Variants in ROBO1 observed in about 807,000 individuals in gnomAD.
The protein encoded by ROBO1 is roundabout homolog 1.
In ROBO1, 149 loss-of-function variants were observed where a neutral mutation model predicts 195.9. The ratio of observed to expected loss-of-function variants is 0.76; its 90% confidence interval spans 0.67 to 0.87. ROBO1 has a LOEUF of 0.87. ROBO1 is among the 40% of genes least tolerant of loss of function. The pLI, the probability that ROBO1 is intolerant of heterozygous loss-of-function variation, is 0.00. For missense variants in ROBO1, 1,933 were observed against 2,068.3 expected (o/e 0.93, Z 1.27); for synonymous variants, 816 against 733.2 (o/e 1.11, Z -1.82).
At chr3:79,705,882 T>G (rs1177659390) in intron 1 of ROBO1, among the ~76,000 whole-genome samples, 5 of 152,162 alleles carry the variant, frequency 3.3e-5, no homozygotes, top group Non-Finnish European at 7.4e-5. Context: ...ACAGATCTTG[T>G]ACATATTTTG....
intron 2 of ROBO1, among the ~76,000 whole-genome samples, chr3:79,317,895 T>C (rs926299177): frequency 5.3e-5 from 8 of 152,102 alleles, no homozygotes; most frequent in African/African-American, 1.2e-4. Context: ...TATATATATA[T>C]ACACACACGC....
intron 1 of ROBO1, among the ~76,000 whole-genome samples, chr3:79,736,278 A>G (rs1703385508): frequency 6.6e-6 from 1 of 152,228 alleles, no homozygotes; most frequent in African/African-American, 2.4e-5. Context: ...GAAACTAATG[A>G]GAGGAGAACA....
intron 4 of ROBO1, among the ~76,000 whole-genome samples, chr3:78,791,799 CT>C (rs1237985971): frequency 6.6e-6 from 1 of 152,152 alleles, no homozygotes; most frequent in Non-Finnish European, 1.5e-5. Context: ...CATAAAAGTG[CT>C]ACGTAGCAAT....
At chr3:78,841,651 T>G (rs2033211648) in intron 4 of ROBO1, among the ~76,000 whole-genome samples, 1 of 152,106 alleles carries the variant, frequency 6.6e-6, no homozygotes, top group African/African-American at 2.4e-5. Flanking sequence ...TAAACTTAAT[T>G]ACTCAAACCC....
intron 4 of ROBO1, among the ~76,000 whole-genome samples, chr3:78,888,162 G>C (rs1045406986): frequency 1.3e-5 from 2 of 152,158 alleles, no homozygotes; most frequent in Non-Finnish European, 2.9e-5. Flanking sequence ...ATCCTTTCGA[G>C]AATGCAGTTT....
chr3:78,621,573 A>C (rs1704458794), intron 26 of ROBO1, among the ~76,000 whole-genome samples: 1 of 152,172 alleles, frequency 6.6e-6, no homozygotes, highest in South Asian at 2.1e-4. Context: ...AAGCCCAGGG[A>C]ATGTGTGATA....
intron 2 of ROBO1, among the ~76,000 whole-genome samples, chr3:79,378,599 AT>A (rs1224374317): frequency 6.6e-6 from 1 of 152,176 alleles, no homozygotes; most frequent in East Asian, 1.9e-4. Context: ...AGCTCTTCCA[AT>A]CTTTTTCCCT....
intron 1 of ROBO1, among the ~76,000 whole-genome samples, chr3:79,663,047 G>C (rs1213878214): frequency 1.3e-5 from 2 of 152,188 alleles, no homozygotes; most frequent in South Asian, 4.1e-4. Context: ...ATTCTCACAA[G>C]TGGGAGCTAA....
chr3:79,127,147 A>T (rs1480265875), intron 2 of ROBO1, among the ~76,000 whole-genome samples: 1 of 152,172 alleles, frequency 6.6e-6, no homozygotes, highest in Non-Finnish European at 1.5e-5. Context: ...AGGCAGAAAA[A>T]GCGTCCACTT....
intron 1 of ROBO1, among the ~76,000 whole-genome samples, chr3:79,736,788 G>A (rs897443386): frequency 1.3e-5 from 2 of 152,132 alleles, no homozygotes; most frequent in Non-Finnish European, 2.9e-5. Flanking sequence ...GTGGAGCTCC[G>A]AAGTTTTCCC....
chr3:79,738,089 G>T (rs1038573462), intron 1 of ROBO1, among the ~76,000 whole-genome samples: 3 of 152,068 alleles, frequency 2.0e-5, no homozygotes, highest in Non-Finnish European at 4.4e-5. Context: ...GTTTCACAGA[G>T]CCAATTTTAT....
intron 2 of ROBO1, among the ~76,000 whole-genome samples, chr3:79,343,991 G>A (rs2035010029): frequency 6.6e-6 from 1 of 151,990 alleles, no homozygotes; most frequent in Non-Finnish European, 1.5e-5. Context: ...ACTAAAGTCA[G>A]AATATGTAGG....
intron 2 of ROBO1, among the ~76,000 whole-genome samples, chr3:79,347,172 G>A (rs1025272683): frequency 2.0e-5 from 3 of 152,144 alleles, no homozygotes; most frequent in African/African-American, 4.8e-5. Flanking sequence ...AGCAAATGGA[G>A]GGATGGAGAG....
intron 4 of ROBO1, among the ~76,000 whole-genome samples, chr3:78,750,188 G>A (rs2082754008): frequency 6.6e-6 from 1 of 152,062 alleles, no homozygotes. Context: ...GGGCGCAGTG[G>A]CTCACGCCTG....
At position 79,528,893 on chromosome 3, in the gene ROBO1, G is replaced by T. The variant is rs542462936; in HGVS notation, c.88+60931C>A. Among the ~76,000 whole-genome samples, 4 of 152,234 alleles carry T rather than the reference G, an allele frequency of 2.6e-5. No individual in the cohort carries two copies. In the South Asian group the frequency reaches 6.2e-4, roughly 24 times the overall value. Reference sequence around the variant, plus strand: ...ACAATTCATCTTTCTAGAAGATTCCGTGTTTAAAGACAATATATGATAAGC... The same window carrying T: ...ACAATTCATCTTTCTAGAAGATTCCTTGTTTAAAGACAATATATGATAAGC... On this transcript the variant is annotated intron_variant, in intron 2 of 30. Transcript: ENST00000464233.
chr3:79,447,145 T>C (rs2107171713), intron 2 of ROBO1, among the ~76,000 whole-genome samples: 1 of 152,200 alleles, frequency 6.6e-6, no homozygotes, highest in East Asian at 1.9e-4. Context: ...GTAAACTTGA[T>C]TACAGGTGTG....
At chr3:79,313,794 A>G (rs1232890207) in intron 2 of ROBO1, among the ~76,000 whole-genome samples, 1 of 152,210 alleles carries the variant, frequency 6.6e-6, no homozygotes, top group Non-Finnish European at 1.5e-5. Context: ...TTAAAGGTAA[A>G]CAGATGAATA....
chr3:79,483,931 T>C (rs1054166590), intron 2 of ROBO1, among the ~76,000 whole-genome samples: 7 of 151,362 alleles, frequency 4.6e-5, no homozygotes, highest in Admixed American at 3.9e-4. Context: ...AGTGGGAGAG[T>C]TGAAAAGAAA....
At chr3:79,262,791 G>A (rs2082965351) in intron 2 of ROBO1, among the ~76,000 whole-genome samples, 1 of 151,990 alleles carries the variant, frequency 6.6e-6, no homozygotes, top group South Asian at 2.1e-4. Flanking sequence ...AATACACAAT[G>A]TAAAGTCGTT....
Sources: gnomAD v4.1 joint callset for allele counts (sites outside exome capture counted in the v4.1 genomes callset) on GRCh38, gnomAD v4.1.1 for gene constraint, MANE v1.5 for transcripts, NCBI Gene and HGNC (gene_info 2026-07-23, HGNC 2026-07-21) for gene names.